Variants in SCHIP1 observed in about 807,000 individuals in gnomAD.
SCHIP1 encodes schwannomin interacting protein 1, also known as schwannomin-interacting protein 1.
Under a neutral mutation model 29.7 loss-of-function variants are expected in SCHIP1, and 8 were observed. That is an observed-to-expected ratio of 0.27 (90% CI 0.16 to 0.49). SCHIP1 has a LOEUF of 0.49. Among genes scored for constraint, SCHIP1 ranks in the 20% least tolerant of loss-of-function variants. The pLI, the probability that SCHIP1 is intolerant of heterozygous loss-of-function variation, is 0.99. For missense variants in SCHIP1, 193 were observed against 294.6 expected (o/e 0.66, Z 2.52); for synonymous variants, 76 against 94.9 (o/e 0.80, Z 1.16).
the SCHIP1 span, among the ~76,000 whole-genome samples, chr3:159,283,784 C>G: frequency 6.6e-6 from 1 of 152,134 alleles, no homozygotes; most frequent in East Asian, 1.9e-4. Context: ...GCAAATAATA[C>G]TAAATTGCCT....
intron 2 of SCHIP1, among the ~76,000 whole-genome samples, chr3:159,879,415 A>G (rs1342248426): frequency 6.6e-6 from 1 of 152,140 alleles, no homozygotes; most frequent in Admixed American, 6.5e-5. Context: ...CCGTTTTCTC[A>G]TATGTGAAAC....
At chr3:159,665,012 T>C in the SCHIP1 span, among the ~76,000 whole-genome samples, 2 of 152,070 alleles carry the variant, frequency 1.3e-5, no homozygotes, top group African/African-American at 2.4e-5. Flanking sequence ...AAACCAGGAG[T>C]GTAGACCGAG....
the SCHIP1 span, among the ~76,000 whole-genome samples, chr3:159,652,987 T>C: frequency 1.5e-4 from 23 of 152,134 alleles, no homozygotes; most frequent in African/African-American, 5.5e-4. Flanking sequence ...TGAGAGTAGA[T>C]TGGTGGTCGA....
chr3:159,469,994 G>A, the SCHIP1 span, among the ~76,000 whole-genome samples: 1 of 151,984 alleles, frequency 6.6e-6, no homozygotes, highest in African/African-American at 2.4e-5. Flanking sequence ...ATAGTTCAAT[G>A]CAATGAAACA....
chr3:159,587,470 C>A, the SCHIP1 span, among the ~76,000 whole-genome samples: 39 of 151,592 alleles, frequency 2.6e-4, no homozygotes, highest in African/African-American at 8.7e-4. Flanking sequence ...GAATACATAA[C>A]TTTTTTATTT....
chr3:159,744,960 C>T, the SCHIP1 span, among the ~76,000 whole-genome samples: 2 of 150,180 alleles, frequency 1.3e-5, no homozygotes, highest in Non-Finnish European at 1.5e-5. Context: ...CCAGCCTGGG[C>T]GACAGAGCAA....
the SCHIP1 span, among the ~76,000 whole-genome samples, chr3:159,429,727 A>T: frequency 6.6e-6 from 1 of 152,310 alleles, no homozygotes; most frequent in Non-Finnish European, 1.5e-5. Flanking sequence ...ATCATTTATG[A>T]GGTCCAACAG....
the SCHIP1 span, among the ~76,000 whole-genome samples, chr3:159,556,635 G>T: frequency 6.6e-6 from 1 of 151,584 alleles, no homozygotes; most frequent in Non-Finnish European, 1.5e-5. Flanking sequence ...GGATGAAATT[G>T]GAAATCATAA....
the SCHIP1 span, among the ~76,000 whole-genome samples, chr3:159,387,691 C>G: frequency 2.5e-4 from 38 of 152,294 alleles, no homozygotes; most frequent in African/African-American, 7.9e-4. Context: ...CATTGCAGTG[C>G]ATAATGGTCA....
chr3:159,792,656 C>A, the SCHIP1 span, among the ~76,000 whole-genome samples: 3 of 152,144 alleles, frequency 2.0e-5, no homozygotes, highest in Non-Finnish European at 2.9e-5. Context: ...GGCTACAGTT[C>A]CCTTGCTCAT....
At chr3:159,767,792 G>A in the SCHIP1 span, among the ~76,000 whole-genome samples, 1 of 152,112 alleles carries the variant, frequency 6.6e-6, no homozygotes, top group Non-Finnish European at 1.5e-5. Context: ...TAACAGCACT[G>A]CACCCCAACT....
At chr3:159,591,242 T>C in the SCHIP1 span, among the ~76,000 whole-genome samples, 2 of 152,182 alleles carry the variant, frequency 1.3e-5, no homozygotes, top group Non-Finnish European at 2.9e-5. Flanking sequence ...CTCTTCCTAT[T>C]TGAATACCCT....
At chr3:159,853,065 A>C in intron 1 of SCHIP1, 17 of 233,702 alleles carry the variant, frequency 7.3e-5, no homozygotes, top group South Asian at 1.4e-4. Flanking sequence ...GTGGAGAGGA[A>C]TTGGGGCGGG....
chr3:159,564,162 G>T, the SCHIP1 span, among the ~76,000 whole-genome samples: 1 of 152,046 alleles, frequency 6.6e-6, no homozygotes, highest in Non-Finnish European at 1.5e-5. Flanking sequence ...TCTGTACCCT[G>T]CACTCACATA....
At chr3:159,501,512 A>G in the SCHIP1 span, among the ~76,000 whole-genome samples, 1 of 152,244 alleles carries the variant, frequency 6.6e-6, no homozygotes, top group Non-Finnish European at 1.5e-5. Flanking sequence ...AATTAAAAAT[A>G]TGGCACAAAA....
chr3:159,373,618 G>A, the SCHIP1 span, among the ~76,000 whole-genome samples: 1 of 151,816 alleles, frequency 6.6e-6, no homozygotes, highest in Non-Finnish European at 1.5e-5. Context: ...CTGCTTCTTT[G>A]GGTTTGTTTT....
At chr3:159,660,744 G>C in the SCHIP1 span, among the ~76,000 whole-genome samples, 1 of 152,184 alleles carries the variant, frequency 6.6e-6, no homozygotes, top group Non-Finnish European at 1.5e-5. Flanking sequence ...CAGAGGTTCA[G>C]CAGAGAAGAT....
At chr3:159,413,878 C>A in the SCHIP1 span, among the ~76,000 whole-genome samples, 2 of 152,134 alleles carry the variant, frequency 1.3e-5, no homozygotes, top group African/African-American at 4.8e-5. Context: ...ATTTTTTATA[C>A]TCAGAATGCA....
At chr3:159,827,799 G>A in the SCHIP1 span, among the ~76,000 whole-genome samples, 1 of 146,194 alleles carries the variant, frequency 6.8e-6, no homozygotes, top group East Asian at 2.0e-4. Context: ...GCGACAGAGC[G>A]AGACTCCGTC....
Sources: allele counts gnomAD v4.1 joint callset (sites outside exome capture counted in the v4.1 genomes callset), GRCh38; gene constraint gnomAD v4.1.1; transcripts MANE v1.5; gene names NCBI Gene and HGNC (gene_info 2026-07-23, HGNC 2026-07-21).